The following EPB41L4A variants were observed in gnomAD, a reference collection of about 807,000 sequenced individuals.
EPB41L4A encodes the protein band 4.1-like protein 4A.
In EPB41L4A, 100 loss-of-function variants were observed where a neutral mutation model predicts 108.6. The observed-to-expected ratio is 0.92, with a 90% CI of 0.78 to 1.09. EPB41L4A has a LOEUF of 1.09. Ranked by LOEUF, EPB41L4A falls within the 50% of genes least tolerant of loss-of-function variation. The probability of loss-of-function intolerance (pLI) is 0.00; values close to 1 mark genes in which losing one functional copy is unlikely to be tolerated. For missense variants in EPB41L4A, 1,030 were observed against 842.7 expected (o/e 1.22, Z -2.75); for synonymous variants, 319 against 289.0 (o/e 1.10, Z -1.05).
chr5:112,189,302 C>T (rs1004467587), intron 17 of EPB41L4A, among the ~76,000 whole-genome samples: 18 of 152,344 alleles, frequency 1.2e-4, no homozygotes, highest in African/African-American at 4.1e-4. Context: ...TTTCAAAGCA[C>T]ATCTATTATC....
intron 18 of EPB41L4A, among the ~76,000 whole-genome samples, chr5:112,179,963 C>A (rs147208547): frequency 2.2e-3 from 341 of 152,176 alleles, no homozygotes; most frequent in African/African-American, 7.9e-3. Flanking sequence ...TTTAACAAGG[C>A]TTATGGGGTG....
At chr5:112,195,020 C>A (rs982482974) in intron 16 of EPB41L4A, among the ~76,000 whole-genome samples, 4 of 152,066 alleles carry the variant, frequency 2.6e-5, no homozygotes, top group African/African-American at 4.8e-5. Flanking sequence ...CACTGAGAGA[C>A]GTAGAGTTTA....
At chr5:112,242,132 G>A (rs368467215) in intron 9 of EPB41L4A, among the ~76,000 whole-genome samples, 1 of 152,208 alleles carries the variant, frequency 6.6e-6, no homozygotes, top group East Asian at 1.9e-4. Flanking sequence ...CAACAATGAA[G>A]CTTTCTGTGT....
chr5:112,259,817 A>G, intron 8 of EPB41L4A, 74 bp downstream of exon 8: 3 of 1,078,500 alleles, frequency 2.8e-6, no homozygotes, highest in Non-Finnish European at 4.3e-6. Flanking sequence ...TCTTTTCCCC[A>G]ACTCTTTCAC....
downstream of EPB41L4A, chr5:112,158,452 C>T: frequency 4.7e-6 from 2 of 426,544 alleles, no homozygotes; most frequent in South Asian, 1.7e-5. Context: ...CCTAAGGGAA[C>T]AAATATCAGA....
At chr5:112,361,258 T>C (rs1758734333) in intron 1 of EPB41L4A, among the ~76,000 whole-genome samples, 1 of 152,224 alleles carries the variant, frequency 6.6e-6, no homozygotes, top group Admixed American at 6.5e-5. Context: ...CTGTGTCCAC[T>C]AAGGGTTAAA....
intron 17 of EPB41L4A, among the ~76,000 whole-genome samples, chr5:112,186,153 G>A (rs1224881535): frequency 1.3e-5 from 2 of 152,166 alleles, no homozygotes; most frequent in Non-Finnish European, 2.9e-5. Flanking sequence ...CAAAATCACT[G>A]TCCAGTTGAT....
chr5:112,262,459 C>A (rs754924394), intron 7 of EPB41L4A, 35 bp downstream of exon 7: 1 of 1,574,362 alleles, frequency 6.4e-7, no homozygotes, highest in African/African-American at 1.3e-5. Flanking sequence ...ATGTCATCAG[C>A]TTAAAATATT....
chr5:112,394,757 A>G lies in EPB41L4A; in HGVS notation c.99+24184T>C, dbSNP rs540326356. Among the ~76,000 whole-genome samples, 3 of 152,276 alleles carry G rather than the reference A, an allele frequency of 2.0e-5. No homozygotes were observed. The South Asian group carries it at 6.2e-4, about 32-fold the overall frequency. ...AAAAACTACTTTAAAGTTCATATGG[A>G]ACCAAAAAAGAGCCCACATTGCCAA... is the stretch of plus-strand genomic sequence containing the variant. On this transcript the variant is annotated intron_variant, in intron 1 of 22. Coordinates refer to ENST00000261486, the MANE Select transcript of EPB41L4A (RefSeq NM_022140.5).
At chr5:112,169,409 G>A (rs902337555) in intron 20 of EPB41L4A, among the ~76,000 whole-genome samples, 3 of 151,998 alleles carry the variant, frequency 2.0e-5, no homozygotes, top group Admixed American at 6.6e-5. Context: ...TCTTAGTAGC[G>A]TGGAAGTAAA....
intron 12 of EPB41L4A, among the ~76,000 whole-genome samples, chr5:112,224,395 T>TA (rs35985769): frequency 2.6e-4 from 39 of 149,848 alleles, no homozygotes; most frequent in East Asian, 1.6e-3. Context: ...CCCATATACT[T>TA]AAAAAAAAAA....
At chr5:112,316,461 C>G (rs1275996644) in intron 1 of EPB41L4A, among the ~76,000 whole-genome samples, 1 of 152,122 alleles carries the variant, frequency 6.6e-6, no homozygotes, top group Non-Finnish European at 1.5e-5. Flanking sequence ...AGGAGACATT[C>G]TTCAGGTACC....
Position 112,204,478 on chromosome 5 carries a change from TG to T in EPB41L4A, c.1272del (p.Tyr424Ter). ...WEENGPQSGLYNSPSDRTKSP... is the reference protein window; with the variant it reads ...WEENGPQSGLXNSPSDRTKSP... The stretch of plus-strand genomic sequence containing the variant: ...GACTTAGTGCGATCACTGGGAGAAT[TG>T]TAGAGTCCACTGGAGAGAAAGAAAA... On this transcript the variant is annotated frameshift_variant, in exon 15 of 23. Coordinates refer to ENST00000261486, the MANE Select transcript of EPB41L4A (RefSeq NM_022140.5). LOFTEE classifies it high-confidence loss of function. 6.2e-7 allele frequency: 1 copy of T among 1,611,190 alleles called. No homozygotes were observed. Among genetic ancestry groups the T allele is most frequent in the Non-Finnish European group, 8.5e-7 (1 of 1,177,582 alleles).
chr5:112,193,304 C>CT (rs1000681607), intron 17 of EPB41L4A, among the ~76,000 whole-genome samples: 7 of 151,608 alleles, frequency 4.6e-5, no homozygotes, highest in African/African-American at 7.3e-5. Flanking sequence ...TTCTTTCTTT[C>CT]TTTTTTTTTC....
intron 12 of EPB41L4A, among the ~76,000 whole-genome samples, chr5:112,212,413 C>A (rs1007325956): frequency 6.6e-6 from 1 of 151,928 alleles, no homozygotes; most frequent in Non-Finnish European, 1.5e-5. Flanking sequence ...CTGCCTCAGA[C>A]TCCCAAGTAG....
intron 12 of EPB41L4A, among the ~76,000 whole-genome samples, chr5:112,221,305 T>C (rs1748031587): frequency 6.6e-6 from 1 of 152,236 alleles, no homozygotes. Context: ...TCTATGCCAC[T>C]TGATATGTCC....
chr5:112,148,593 G>T (rs1209585995), intron 12 of EPB41L4A, among the ~76,000 whole-genome samples: 6 of 152,080 alleles, frequency 3.9e-5, no homozygotes, highest in Non-Finnish European at 2.9e-5. Flanking sequence ...CAAAAGGGAA[G>T]AAAAGTCTCT....
At chr5:112,181,216 C>G (rs6871287) in intron 18 of EPB41L4A, among the ~76,000 whole-genome samples, 7,312 of 152,082 alleles carry the variant, frequency 0.048, 444 homozygotes, top group African/African-American at 0.14. Context: ...CTTTGGGAGG[C>G]CGAGGCGGGC....
At chr5:112,335,369 A>G (rs1756850627) in intron 1 of EPB41L4A, among the ~76,000 whole-genome samples, 1 of 152,184 alleles carries the variant, frequency 6.6e-6, no homozygotes, top group Non-Finnish European at 1.5e-5. Flanking sequence ...AGTGAACCTA[A>G]TGTAGATGTA....
Sources: gnomAD v4.1 joint callset for allele counts (sites outside exome capture counted in the v4.1 genomes callset) on GRCh38, gnomAD v4.1.1 for gene constraint, MANE v1.5 for transcripts, NCBI Gene and HGNC (gene_info 2026-07-23, HGNC 2026-07-21) for gene names.